The following MDN1 variants were observed in gnomAD, a reference collection of about 807,000 sequenced individuals.
The protein encoded by MDN1 is midasin.
Under a neutral mutation model 669.2 loss-of-function variants are expected in MDN1, and 266 were observed. That is an observed-to-expected ratio of 0.40 (90% confidence interval 0.36 to 0.44). The LOEUF (loss-of-function observed/expected upper bound fraction) is 0.44. MDN1 is among the 20% of genes least tolerant of loss of function. MDN1 has a pLI of 1.00. For missense variants in MDN1, 5,940 were observed against 6,754.0 expected (o/e 0.88, Z 4.22); for synonymous variants, 2,385 against 2,457.1 (o/e 0.97, Z 0.87).
At chr6:89,788,754 C>T (rs1490278098) in intron 7 of MDN1, among the ~76,000 whole-genome samples, 1 of 152,150 alleles carries the variant, frequency 6.6e-6, no homozygotes, top group Non-Finnish European at 1.5e-5. Context: ...AAAAAGGACA[C>T]TATTCAGGTA....
At chr6:89,740,437 C>T in intron 31 of MDN1, 59 bp from the exon 32 acceptor site, 1 of 1,440,972 alleles carries the variant, frequency 6.9e-7, no homozygotes, top group Non-Finnish European at 9.3e-7. Flanking sequence ...GTTTTACAAT[C>T]TTCAATGCTC....
chr6:89,740,327 C>T lies in MDN1; in HGVS notation c.4500G>A (p.Glu1500=), dbSNP rs1562164345. The change falls in exon 32 of 102, where the codon GAG becomes GAA. Residue 1500 remains glutamate (E), a synonymous_variant. Transcript: ENST00000369393. Reference sequence around the variant, plus strand: ...ACAGCTCTATTTCACTATCCTTGTCCTCTGGACTGCCTTTTTCAGCTAATA... The same window carrying T: ...ACAGCTCTATTTCACTATCCTTGTCTTCTGGACTGCCTTTTTCAGCTAATA... The part of the protein sequence containing the change: ...SLVLAEKGSP[E]DKDSEIELLT... The T allele has an allele frequency of 1.3e-6, 2 of 1,598,406 alleles. No individual in the cohort carries two copies. Among genetic ancestry groups the T allele is most frequent in the Non-Finnish European group, 1.7e-6 (2 of 1,175,888 alleles).
Position 89,696,530 on chromosome 6 carries a change from A to G in MDN1, c.9213T>C (p.Phe3071=). 6.2e-7 allele frequency: 1 copy of G among 1,614,190 alleles called. No homozygotes were observed. Among genetic ancestry groups the G allele is most frequent in the Non-Finnish European group, 8.5e-7 (1 of 1,180,012 alleles). Residue 3071 remains phenylalanine (F), a synonymous_variant, in exon 60 of 102, where the codon TTT becomes TTC. Transcript: ENST00000369393. Reference sequence around the variant, plus strand: ...CTCTCCAGCTGCTGGTTAAGACTTCAAAGCAGCACTTAGAGAATATGGGTC... The same window carrying G: ...CTCTCCAGCTGCTGGTTAAGACTTCGAAGCAGCACTTAGAGAATATGGGTC... ...LNRPIFSKCC[F]EVLTSSWRAS...
At chr6:89,649,157 A>C (rs952054663) in intron 97 of MDN1, among the ~76,000 whole-genome samples, 15 of 152,226 alleles carry the variant, frequency 9.9e-5, no homozygotes. Context: ...CTGTAGAACT[A>C]TATCAGAAAA....
chr6:89,711,656 T>C (rs1032635613), intron 49 of MDN1, among the ~76,000 whole-genome samples: 3 of 152,204 alleles, frequency 2.0e-5, no homozygotes, highest in Admixed American at 6.5e-5. Flanking sequence ...TAGAATCTTA[T>C]ATACTTTTAG....
chr6:89,700,484 A>G (rs1035388397), intron 56 of MDN1, among the ~76,000 whole-genome samples, 162 bp downstream of exon 56: 2 of 152,200 alleles, frequency 1.3e-5, no homozygotes, highest in Admixed American at 1.3e-4. Flanking sequence ...AATTAAAAAT[A>G]TATGTGAAAT....
chr6:89,796,336 AAAAAAAAAAAAAAAC>A (rs1562228963), intron 2 of MDN1, among the ~76,000 whole-genome samples: 5 of 114,138 alleles, frequency 4.4e-5, no homozygotes, highest in African/African-American at 1.3e-4. Flanking sequence ...AAAAAAAAAA[AAAAAAAAAAAAAAAC>A]AAAAAAAAAA....
rs767133134 is a variant in MDN1 at position 89,716,634 on chromosome 6, G to C, written c.6743+16C>G. ...AAATTTCAAGTTGGACCACTGATTA[G>C]GCATAAGGTTCTTACTTGCAGAAGT... On this transcript the variant is annotated intron_variant, in intron 44 of 101. Coordinates refer to ENST00000369393, the MANE Select transcript of MDN1 (RefSeq NM_014611.3). 3.1e-6 allele frequency: 5 copies of C among 1,602,966 alleles called. No individual in the cohort carries two copies. In the Admixed American group the frequency reaches 8.8e-5, roughly 28 times the overall value.
intron 93 of MDN1, among the ~76,000 whole-genome samples, chr6:89,653,832 A>G (rs191229016): frequency 6.6e-6 from 1 of 152,332 alleles, no homozygotes; most frequent in East Asian, 1.9e-4. Flanking sequence ...AATTGAAAAT[A>G]TCATTTCTCT....
At chr6:89,656,610 CTTT>C (rs35227833) in intron 91 of MDN1, 87 bp downstream of exon 91, 1,636 of 732,134 alleles carry the variant, frequency 2.2e-3, no homozygotes, top group South Asian at 4.2e-3. Flanking sequence ...AGGAGTATAG[CTTT>C]TTTTTTTTTT....
intron 20 of MDN1, among the ~76,000 whole-genome samples, chr6:89,755,236 C>T (rs903483152): frequency 1.3e-5 from 2 of 152,016 alleles, no homozygotes; most frequent in Non-Finnish European, 2.9e-5. Context: ...GCCTTGTTGA[C>T]TAATCTATTT....
chr6:89,707,771 G>T (rs1375488742), intron 51 of MDN1, among the ~76,000 whole-genome samples: 1 of 152,228 alleles, frequency 6.6e-6, no homozygotes, highest in African/African-American at 2.4e-5. Flanking sequence ...AAATGGAGGA[G>T]TTGGTGGAGC....
chr6:89,708,070 G>A (rs1813638311), intron 51 of MDN1, among the ~76,000 whole-genome samples: 1 of 152,158 alleles, frequency 6.6e-6, no homozygotes, highest in African/African-American at 2.4e-5. Context: ...GGGAGAATGA[G>A]GCAGGTGGAT....
intron 13 of MDN1, among the ~76,000 whole-genome samples, chr6:89,773,472 G>A (rs1281115419): frequency 2.0e-5 from 3 of 151,070 alleles, no homozygotes; most frequent in African/African-American, 7.3e-5. Context: ...CCCTGGAGGT[G>A]GAGGTTGCAG....
chr6:89,685,970 T>C lies in MDN1; in HGVS notation c.11576A>G (p.Asp3859Gly). 1.9e-6 allele frequency: 3 copies of C among 1,608,520 alleles called. No homozygotes were observed. Among genetic ancestry groups the C allele is most frequent in the Non-Finnish European group, 2.5e-6 (3 of 1,178,584 alleles). ...CAGCAACATCAAGGTCATCTGTTTG[T>C]CATCTTTAAAAATTCAAAGAGAAAA... is the stretch of plus-strand genomic sequence containing the variant. ...MQEQTEEQED[D>G]KQMTLMLLVS... Residue 3859 changes from aspartate (D) to glycine (G), a missense_variant, in exon 70 of 102, where the codon GAC (aspartate) becomes GGC (glycine). Physicochemically the swap from Asp to Gly is moderately conservative, Grantham distance 94. Coordinates refer to ENST00000369393, the MANE Select transcript of MDN1 (RefSeq NM_014611.3).
intron 1 of MDN1, among the ~76,000 whole-genome samples, chr6:89,808,345 C>T (rs1270904198): frequency 6.6e-6 from 1 of 151,960 alleles, no homozygotes; most frequent in Non-Finnish European, 1.5e-5. Flanking sequence ...TCAGCTTGAT[C>T]CTTTCAAGAC....
At chr6:89,655,363 G>A (rs1562039373) in intron 92 of MDN1, among the ~76,000 whole-genome samples, 2 of 152,116 alleles carry the variant, frequency 1.3e-5, no homozygotes, top group Admixed American at 1.3e-4. Context: ...ATCCAGAGGT[G>A]ACTAAGAAGA....
chr6:89,714,783 A>AT (rs1430905429), intron 45 of MDN1, 32 bp from the exon 46 acceptor site: 1 of 1,579,864 alleles, frequency 6.3e-7, no homozygotes, highest in Non-Finnish European at 8.6e-7. Context: ...GAAAAAAATG[A>AT]TTTTAAATCC....
Position 89,754,212 on chromosome 6 carries a change from C to A in MDN1, c.2835G>T (p.Arg945=). 6.2e-7 allele frequency: 1 copy of A among 1,613,890 alleles called. No individual in the cohort carries two copies. Among genetic ancestry groups the A allele is most frequent in the Non-Finnish European group, 8.5e-7 (1 of 1,179,844 alleles). Residue 945 remains arginine, a synonymous_variant, in exon 21 of 102, where the codon CGG becomes CGT. Coordinates refer to ENST00000369393, the MANE Select transcript of MDN1 (RefSeq NM_014611.3). ...QGIINFYTAL[R]KESGTKLVDG... is the part of the protein sequence containing the mutation. ...CCACCAGTTTGGTCCCAGACTCTTT[C>A]CGCAAAGCTGTGTAGAAGCTACAAA...
Sources: allele counts gnomAD v4.1 joint callset (sites outside exome capture counted in the v4.1 genomes callset), GRCh38; gene constraint gnomAD v4.1.1; transcripts MANE v1.5; gene names NCBI Gene and HGNC (gene_info 2026-07-23, HGNC 2026-07-21).